Variants in APCDD1 observed in about 807,000 individuals in gnomAD.
APCDD1 encodes the protein protein APCDD1.
A neutral mutation model predicts 38.1 loss-of-function variants in APCDD1; 15 were observed. The ratio of observed to expected loss-of-function variants is 0.39; its 90% CI spans 0.26 to 0.61. APCDD1 has a LOEUF of 0.61. Among genes scored for constraint, APCDD1 ranks in the 20% least tolerant of loss-of-function variants. APCDD1 has a pLI of 0.49. For missense variants in APCDD1, 647 were observed against 696.2 expected, an observed-to-expected ratio of 0.93 and a Z score of 0.79; for synonymous variants, 261 against 279.7, an observed-to-expected ratio of 0.93 and a Z score of 0.67.
intron 1 of APCDD1, among the ~76,000 whole-genome samples, chr18:10,465,715 A>C (rs2030692099): frequency 6.6e-6 from 1 of 152,228 alleles, no homozygotes; most frequent in Admixed American, 6.5e-5. Context: ...CTTTGACTAG[A>C]TACAGAAATG....
chr18:10,472,887 A>G lies in APCDD1; in HGVS notation c.774+826A>G, dbSNP rs1017677653. Among the ~76,000 whole-genome samples the G allele has an allele frequency of 2.6e-5, 4 of 152,060 alleles. No homozygotes were observed. The highest frequency in any genetic ancestry group is 9.7e-5 in the African/African-American group (4 of 41,410). On this transcript the variant is annotated intron_variant, in intron 3 of 4. Coordinates refer to ENST00000355285, the MANE Select transcript of APCDD1 (RefSeq NM_153000.5). This position sits in a 1 kb window ranked among gnomAD's most constrained non-coding sequence, Gnocchi z 6.6. ...CATGTGTAACTCGATCACCTCCACC[A>G]TCTCCCCGCAGAGCCTGTGAAGTCC...
At chr18:10,486,865 C>G (rs2031260273) in intron 4 of APCDD1, among the ~76,000 whole-genome samples, 1 of 152,206 alleles carries the variant, frequency 6.6e-6, no homozygotes, top group African/African-American at 2.4e-5. Flanking sequence ...TCCTGGAAGA[C>G]TTTAGCCCTC....
chr18:10,478,999 T>C (rs1431506619), intron 3 of APCDD1, among the ~76,000 whole-genome samples: 2 of 152,210 alleles, frequency 1.3e-5, no homozygotes, highest in Non-Finnish European at 2.9e-5. Context: ...TCCGTTTGCC[T>C]GTTAGCCGAG....
Position 10,475,770 on chromosome 18 carries a change from C to G in APCDD1, c.774+3709C>G, listed in dbSNP as rs961643735. The G allele has an allele frequency of 6.9e-6, 1 of 145,260 alleles. No individual in the cohort carries two copies. Among genetic ancestry groups the G allele is most frequent in the Non-Finnish European group, 1.5e-5 (1 of 67,422 alleles). 9.0% of individuals were successfully genotyped at this position (145,260 alleles called of 1,614,324 possible). A position where few individuals can be genotyped will look rare whatever the true frequency, so the allele number is the denominator to read the frequency against. Reference sequence around the variant, plus strand: ...GAGGACCCAGGCTTCCTGAGCCAGCCTAGCTGCCTCGCAAGATGGCTGAGG... The same window carrying G: ...GAGGACCCAGGCTTCCTGAGCCAGCGTAGCTGCCTCGCAAGATGGCTGAGG... On this transcript the variant is annotated intron_variant, in intron 3 of 4. Transcript: ENST00000355285. This position sits in a 1 kb window ranked among gnomAD's most constrained non-coding sequence, Gnocchi z 4.0.
chr18:10,469,328 TG>T lies in APCDD1; in HGVS notation c.242+680del, dbSNP rs1362860719. The stretch of plus-strand genomic sequence containing the variant: ...TATGGATAGCAGCCTTCAAGTTCCT[TG>T]GGGAGGGATCAGATGAATATGGAGA... On this transcript the variant is annotated intron_variant, in intron 2 of 4. Transcript: ENST00000355285. This position sits in a 1 kb window ranked among gnomAD's most constrained non-coding sequence, Gnocchi z 5.5. Among the ~76,000 whole-genome samples the T allele has an allele frequency of 6.6e-6, 1 of 152,096 alleles. No homozygotes were observed. The highest frequency in any genetic ancestry group is 6.6e-5 in the Admixed American group (1 of 15,260).
Position 10,467,203 on chromosome 18 carries a change from G to T in APCDD1, c.59-1266G>T, listed in dbSNP as rs1387481328. Among the ~76,000 whole-genome samples the T allele has an allele frequency of 6.6e-6, 1 of 152,186 alleles. No homozygotes were observed. Among genetic ancestry groups the T allele is most frequent in the Non-Finnish European group, 1.5e-5 (1 of 68,026 alleles). On this transcript the variant is annotated intron_variant, in intron 1 of 4. Coordinates refer to ENST00000355285, the MANE Select transcript of APCDD1 (RefSeq NM_153000.5). This position sits in a 1 kb window ranked among gnomAD's most constrained non-coding sequence, Gnocchi z 4.8. ...TATCCAGGTAGATTTTCGTCATGTTGCTGTAAGTGACTATATTCTGAATCT... is the reference window on the plus strand; with the variant it reads ...TATCCAGGTAGATTTTCGTCATGTTTCTGTAAGTGACTATATTCTGAATCT...
intron 1 of APCDD1, among the ~76,000 whole-genome samples, chr18:10,456,824 G>C (rs1284626349): frequency 6.6e-6 from 1 of 152,202 alleles, no homozygotes; most frequent in Non-Finnish European, 1.5e-5. Flanking sequence ...CCGGGGATCT[G>C]AGGGAGGAGG....
chr18:10,460,762 C>T (rs919013905), intron 1 of APCDD1, among the ~76,000 whole-genome samples: 5 of 152,268 alleles, frequency 3.3e-5, no homozygotes, highest in Admixed American at 1.3e-4. Flanking sequence ...TCACTGTCTA[C>T]AAAGGCTCTG....
chr18:10,483,059 T>C (rs988442455), intron 3 of APCDD1, among the ~76,000 whole-genome samples: 5 of 152,340 alleles, frequency 3.3e-5, no homozygotes, highest in African/African-American at 7.2e-5. Context: ...GCAGCAGTTA[T>C]GCAAGTAAGT....
intron 2 of APCDD1, 83 bp downstream of exon 2, chr18:10,468,735 A>G (rs2030779777): frequency 7.2e-7 from 1 of 1,386,204 alleles, no homozygotes; most frequent in Non-Finnish European, 1.0e-6. Flanking sequence ...AGATGCAGAG[A>G]CTTTATATCA....
rs1478176543 is a variant in APCDD1, at chr18:10,467,900, A to G, written c.59-569A>G. Reference sequence around the variant, plus strand: ...GGAGCCAAGCCAGCAAGCACATCCCAGCTGGGAATCTTCCTAGTCTCCTGG... The same window carrying G: ...GGAGCCAAGCCAGCAAGCACATCCCGGCTGGGAATCTTCCTAGTCTCCTGG... On this transcript the variant is annotated intron_variant, in intron 1 of 4. Transcript: ENST00000355285. The surrounding 1 kb of genome is among the most constrained non-coding windows in gnomAD (Gnocchi z 4.8). Among the ~76,000 whole-genome samples the G allele has an allele frequency of 6.6e-6, 1 of 152,200 alleles. No homozygotes were observed. The highest frequency in any genetic ancestry group is 1.5e-5 in the Non-Finnish European group (1 of 68,032).
chr18:10,487,993 A>C lies in APCDD1; in HGVS notation c.1500A>C (p.Ala500=), dbSNP rs376533264. Residue 500 remains alanine, a synonymous_variant, in exon 5 of 5, where the codon GCA becomes GCC. Coordinates refer to ENST00000355285, the MANE Select transcript of APCDD1 (RefSeq NM_153000.5). ...ACACCTGGTCCCTGCTGCTGGCTGCACTTGCCTGCCTTGTCCCTCTGCTGC... is the reference window on the plus strand; with the variant it reads ...ACACCTGGTCCCTGCTGCTGGCTGCCCTTGCCTGCCTTGTCCCTCTGCTGC... ...GRHTWSLLLA[A]LACLVPLLHW... is the part of the protein sequence containing the mutation. 1.1e-3 allele frequency: 1,746 copies of C among 1,613,868 alleles called. 24 individuals carry two copies. In the South Asian group the frequency reaches 0.016, roughly 15 times the overall value.
intron 3 of APCDD1, among the ~76,000 whole-genome samples, chr18:10,480,527 C>G (rs976724867): frequency 6.6e-6 from 1 of 152,088 alleles, no homozygotes; most frequent in Admixed American, 6.6e-5. Flanking sequence ...ATTGTCCCCT[C>G]GTTGACAGTA....
At chr18:10,468,327 A>G (rs2030765253) in intron 1 of APCDD1, 142 bp from the exon 2 acceptor site, 5 of 887,304 alleles carry the variant, frequency 5.6e-6, no homozygotes, top group Non-Finnish European at 9.4e-6. Flanking sequence ...CATACACGAG[A>G]GCACGCACTG....
Position 10,483,311 on chromosome 18 carries a change from G to A in APCDD1, c.775-2151G>A, listed in dbSNP as rs146980487. On this transcript the variant is annotated intron_variant, in intron 3 of 4. Coordinates refer to ENST00000355285, the MANE Select transcript of APCDD1 (RefSeq NM_153000.5). Reference sequence around the variant, plus strand: ...AGCACAGGTTGCAGGCAGTTTCTCCGTGTGCCCCTAAGCCCTCTGTAGGAA... The same window carrying A: ...AGCACAGGTTGCAGGCAGTTTCTCCATGTGCCCCTAAGCCCTCTGTAGGAA... Among the ~76,000 whole-genome samples the A allele has an allele frequency of 8.3e-4, 126 of 152,324 alleles. 1 individual carries two copies. In the East Asian group the frequency reaches 0.015, roughly 18 times the overall value.
intron 3 of APCDD1, chr18:10,477,416 TG>T (rs1013912827): frequency 6.6e-6 from 1 of 152,244 alleles, no homozygotes; most frequent in Non-Finnish European, 1.5e-5. Flanking sequence ...ACCTTTTATC[TG>T]GGCCGAGGTG....
At chr18:10,463,630 G>T (rs1172443708) in intron 1 of APCDD1, among the ~76,000 whole-genome samples, 1 of 152,162 alleles carries the variant, frequency 6.6e-6, no homozygotes, top group African/African-American at 2.4e-5. Flanking sequence ...GTACTCACAG[G>T]AAAGTCATCC....
chr18:10,462,130 C>T (rs186961943), intron 1 of APCDD1, among the ~76,000 whole-genome samples: 249 of 152,232 alleles, frequency 1.6e-3, no homozygotes, highest in African/African-American at 5.7e-3. Flanking sequence ...TTAACCAACA[C>T]TTCCAATTAC....
At chr18:10,464,311 A>AAC (rs541648834) in intron 1 of APCDD1, among the ~76,000 whole-genome samples, 21,988 of 146,954 alleles carry the variant, frequency 0.15, 1,739 homozygotes, top group African/African-American at 0.21. Flanking sequence ...CTTCAAAGTA[A>AAC]ACACACACAC....
Sources: gnomAD v4.1 joint callset for allele counts (sites outside exome capture counted in the v4.1 genomes callset) on GRCh38, gnomAD v4.1.1 for gene constraint, Gnocchi (gnomAD v3.1) non-coding constraint, MANE v1.5 for transcripts, NCBI Gene and HGNC (gene_info 2026-07-23, HGNC 2026-07-21) for gene names.